WWTR1: variants seen among roughly 807,000 people sequenced by gnomAD.
WWTR1 encodes the protein WW domain containing transcription regulator 1.
A neutral mutation model predicts 40.1 loss-of-function variants in WWTR1; 13 were observed. The ratio of observed to expected loss-of-function variants is 0.32; its 90% confidence interval spans 0.21 to 0.52. The LOEUF (loss-of-function observed/expected upper bound fraction) is 0.52, where lower values mean the gene tolerates loss of function less well. Ranked by LOEUF, WWTR1 falls within the 20% of genes least tolerant of loss-of-function variation. WWTR1 has a pLI of 0.97. For missense variants in WWTR1, 436 were observed against 523.1 expected (o/e 0.83, Z 1.63); for synonymous variants, 230 against 210.1 (o/e 1.09, Z -0.82).
intron 2 of WWTR1, among the ~76,000 whole-genome samples, chr3:149,639,993 C>CAA (rs1215330406): frequency 0.044 from 3,312 of 76,002 alleles, 201 homozygotes; most frequent in Non-Finnish European, 0.063. Flanking sequence ...GACTCCGTCT[C>CAA]AAAAAAAAAA....
rs550922911 is a variant in WWTR1, at chr3:149,544,752, C to T, written c.569-2215G>A. Among the ~76,000 whole-genome samples the T allele has an allele frequency of 2.0e-5, 3 of 152,300 alleles. No homozygotes were observed. In the South Asian group the frequency reaches 6.2e-4, roughly 32 times the overall value. ...AAGCCTCAGAGCAACCCTGTAAAGA[C>T]AATCTGCCTTCAATTGTTTGCAAGA... On this transcript the variant is annotated intron_variant, in intron 3 of 6. Coordinates refer to ENST00000360632, the MANE Select transcript of WWTR1 (RefSeq NM_015472.6).
chr3:149,723,190 T>TC (rs1313388337), intron 4 of WWTR1, among the ~76,000 whole-genome samples: 46 of 142,490 alleles, frequency 3.2e-4, no homozygotes, highest in East Asian at 2.0e-3. Context: ...CTTTTCTTTT[T>TC]TTTTTTTTTT....
At chr3:149,562,162 G>T (rs373396012) in intron 3 of WWTR1, among the ~76,000 whole-genome samples, 3 of 152,034 alleles carry the variant, frequency 2.0e-5, no homozygotes, top group East Asian at 3.9e-4. Flanking sequence ...GGGCATGGTG[G>T]CGTGTGCCTG....
chr3:149,706,254 T>G (rs1165037705), upstream of WWTR1, among the ~76,000 whole-genome samples: 1 of 152,180 alleles, frequency 6.6e-6, no homozygotes, highest in Admixed American at 6.5e-5. Context: ...CATGTAAATT[T>G]TTCGTGCACA....
At chr3:149,619,803 C>T (rs1330042183) in intron 2 of WWTR1, among the ~76,000 whole-genome samples, 1 of 152,190 alleles carries the variant, frequency 6.6e-6, no homozygotes, top group South Asian at 2.1e-4. Flanking sequence ...AATGTGGTGG[C>T]CCCAGTAATA....
intron 2 of WWTR1, among the ~76,000 whole-genome samples, chr3:149,665,229 T>TTC (rs967268297): frequency 2.1e-5 from 3 of 145,298 alleles, no homozygotes; most frequent in South Asian, 2.2e-4. Context: ...CTTTCTTTCT[T>TTC]TTTTTTTTTT....
chr3:149,526,923 G>T (rs1045538531), intron 5 of WWTR1, among the ~76,000 whole-genome samples: 2 of 152,074 alleles, frequency 1.3e-5, no homozygotes, highest in African/African-American at 4.8e-5. Context: ...TTTCCCTTTT[G>T]CTCCTTTGTT....
intron 2 of WWTR1, among the ~76,000 whole-genome samples, chr3:149,614,647 C>A (rs1040516495): frequency 6.6e-6 from 1 of 152,114 alleles, no homozygotes; most frequent in Non-Finnish European, 1.5e-5. Flanking sequence ...CCTAAGAAGT[C>A]TCTTACAAAC....
intron 1 of WWTR1, among the ~76,000 whole-genome samples, chr3:149,693,128 A>T (rs1283501397): frequency 6.6e-6 from 1 of 152,248 alleles, no homozygotes; most frequent in African/African-American, 2.4e-5. Flanking sequence ...AACAAATTTC[A>T]TAAAGTTGCA....
chr3:149,642,375 G>A (rs1387255763), intron 2 of WWTR1, among the ~76,000 whole-genome samples: 5 of 151,722 alleles, frequency 3.3e-5, no homozygotes, highest in Non-Finnish European at 5.9e-5. Flanking sequence ...AACTGAGATC[G>A]CATCAATGCA....
At chr3:149,706,997 G>A (rs1715350626), upstream of WWTR1, among the ~76,000 whole-genome samples, 1 of 152,064 alleles carries the variant, frequency 6.6e-6, no homozygotes, top group African/African-American at 2.4e-5. Flanking sequence ...CCCCAATACT[G>A]AATTTTCCAT....
chr3:149,526,353 A>G (rs1227469242), intron 5 of WWTR1, among the ~76,000 whole-genome samples: 2 of 152,188 alleles, frequency 1.3e-5, no homozygotes, highest in East Asian at 3.8e-4. Context: ...TTTCACCTCA[A>G]AATAACCATT....
intron 3 of WWTR1, among the ~76,000 whole-genome samples, chr3:149,567,740 G>A (rs540237150): frequency 2.0e-5 from 3 of 152,258 alleles, no homozygotes; most frequent in East Asian, 1.9e-4. Flanking sequence ...TCAAAACAAC[G>A]TTATCAGATA....
chr3:149,687,352 C>T (rs1021021629), intron 1 of WWTR1, among the ~76,000 whole-genome samples: 1 of 152,174 alleles, frequency 6.6e-6, no homozygotes, highest in African/African-American at 2.4e-5. Context: ...GTAGCCAGAG[C>T]AATCTCTCAT....
intron 5 of WWTR1, among the ~76,000 whole-genome samples, chr3:149,709,010 T>C (rs966922394): frequency 1.6e-4 from 25 of 152,074 alleles, no homozygotes; most frequent in African/African-American, 5.5e-4. Flanking sequence ...TTTATATTTA[T>C]ATTTTATTTT....
At chr3:149,583,361 T>C (rs984926363) in intron 2 of WWTR1, among the ~76,000 whole-genome samples, 24 of 152,142 alleles carry the variant, frequency 1.6e-4, no homozygotes, top group Middle Eastern at 3.2e-3. Flanking sequence ...ACATCTTCCA[T>C]AGGGATTCAG....
intron 4 of WWTR1, among the ~76,000 whole-genome samples, chr3:149,535,344 G>A (rs1430904683): frequency 1.3e-5 from 2 of 151,854 alleles, no homozygotes; most frequent in Non-Finnish European, 2.9e-5. Flanking sequence ...AGAGAATGCC[G>A]AATTATTTAC....
intron 4 of WWTR1, chr3:149,540,902 T>C: frequency 2.6e-6 from 1 of 380,124 alleles, no homozygotes; most frequent in East Asian, 7.3e-5. Context: ...CCTCACACAA[T>C]ATAGATTTCT....
intron 4 of WWTR1, among the ~76,000 whole-genome samples, chr3:149,532,641 A>T (rs1381287356): frequency 6.6e-6 from 1 of 152,190 alleles, no homozygotes; most frequent in Non-Finnish European, 1.5e-5. Context: ...AAACTGTACA[A>T]AACCCGAGGT....
Sources: gnomAD v4.1 joint callset for allele counts (sites outside exome capture counted in the v4.1 genomes callset) on GRCh38, gnomAD v4.1.1 for gene constraint, MANE v1.5 for transcripts, NCBI Gene and HGNC (gene_info 2026-07-23, HGNC 2026-07-21) for gene names.